The following NR2C2 variants were observed in gnomAD, a reference collection of about 807,000 sequenced individuals.
The protein encoded by NR2C2 is Nuclear hormone receptor TR4.
A neutral mutation model predicts 62.9 loss-of-function variants in NR2C2; 6 were observed. The observed-to-expected ratio is 0.10, with a 90% CI of 0.05 to 0.19. NR2C2 has a LOEUF of 0.19. NR2C2 is among the 10% of genes least tolerant of loss of function. The probability of loss-of-function intolerance (pLI) is 1.00; values close to 1 mark genes in which losing one functional copy is unlikely to be tolerated. For synonymous variants in NR2C2, 272 were observed against 273.8 expected (o/e 0.99, Z 0.07); for missense variants, 479 against 762.7 (o/e 0.63, Z 4.38).
chr3:15,002,598 TTTC>T (rs962057632), intron 1 of NR2C2, among the ~76,000 whole-genome samples: 19 of 151,916 alleles, frequency 1.3e-4, no homozygotes, highest in African/African-American at 4.6e-4. Flanking sequence ...TGGGAAGTGT[TTTC>T]TTCTAATTTT....
intron 7 of NR2C2, among the ~76,000 whole-genome samples, chr3:15,028,243 C>T (rs1268243531): frequency 3.3e-5 from 5 of 152,208 alleles, no homozygotes; most frequent in African/African-American, 1.2e-4. Flanking sequence ...AAACCATTAT[C>T]AGACATGATT....
intron 1 of NR2C2, among the ~76,000 whole-genome samples, chr3:14,954,009 G>T (rs1175095507): frequency 6.6e-6 from 1 of 152,034 alleles, no homozygotes; most frequent in Non-Finnish European, 1.5e-5. Flanking sequence ...ATCTGATTAG[G>T]TATTATTTCT....
chr3:14,981,188 A>G (rs879894940), intron 1 of NR2C2, among the ~76,000 whole-genome samples: 7 of 152,200 alleles, frequency 4.6e-5, no homozygotes, highest in Non-Finnish European at 8.8e-5. Context: ...ATAAAGCCAC[A>G]GGGTGCAATG....
intron 1 of NR2C2, among the ~76,000 whole-genome samples, chr3:14,967,329 ATTG>A (rs917851382): frequency 6.6e-6 from 1 of 151,488 alleles, no homozygotes; most frequent in Non-Finnish European, 1.5e-5. Flanking sequence ...GATTTTCTCT[ATTG>A]TTTTTCTATT....
At chr3:15,008,625 G>C (rs1334215460) in intron 2 of NR2C2, among the ~76,000 whole-genome samples, 1 of 152,202 alleles carries the variant, frequency 6.6e-6, no homozygotes, top group Non-Finnish European at 1.5e-5. Flanking sequence ...TTGCAACAGA[G>C]ATGTTGAACT....
intron 1 of NR2C2, among the ~76,000 whole-genome samples, chr3:14,958,296 T>G (rs1405392667): frequency 6.6e-6 from 1 of 152,226 alleles, no homozygotes; most frequent in Non-Finnish European, 1.5e-5. Flanking sequence ...TGGAGGTGGT[T>G]GGACTTGATT....
At chr3:14,957,248 C>G (rs184324035) in intron 1 of NR2C2, among the ~76,000 whole-genome samples, 2 of 151,898 alleles carry the variant, frequency 1.3e-5, no homozygotes, top group East Asian at 3.9e-4. Context: ...GAAAGGCAGC[C>G]TCACTCATTC....
At position 15,008,865 on chromosome 3, in the gene NR2C2, T is replaced by C. The variant is rs78290720; in HGVS notation, c.73-4724T>C. Among the ~76,000 whole-genome samples, 696 of 152,280 alleles carry C rather than the reference T, an allele frequency of 4.6e-3. 3 individuals carry two copies. Among genetic ancestry groups the C allele is most frequent in the Middle Eastern group, 0.01 (3 of 294 alleles). ...CTCAAAAACTTTGTCAGTAACGTAT[T>C]AAAAAACAGATAGTGAATCTAATAA... On this transcript the variant is annotated intron_variant, in intron 2 of 13. Transcript: ENST00000425241.
chr3:14,994,335 C>A (rs1170671740), intron 1 of NR2C2, among the ~76,000 whole-genome samples: 1 of 152,010 alleles, frequency 6.6e-6, no homozygotes, highest in Middle Eastern at 3.4e-3. Flanking sequence ...AGAAGCTCTC[C>A]TTATGCCCCC....
At chr3:14,972,565 G>GT (rs1244563657) in intron 1 of NR2C2, among the ~76,000 whole-genome samples, 8 of 152,122 alleles carry the variant, frequency 5.3e-5, no homozygotes, top group Non-Finnish European at 1.2e-4. Context: ...GTAGTTTGAG[G>GT]TTTTTTGTCA....
At chr3:14,963,061 C>G (rs1255325590) in intron 1 of NR2C2, among the ~76,000 whole-genome samples, 2 of 152,146 alleles carry the variant, frequency 1.3e-5, no homozygotes, top group East Asian at 3.9e-4. Context: ...AAGCATTTGT[C>G]AGACCCAAGT....
chr3:15,032,135 T>A (rs184821528), intron 9 of NR2C2, among the ~76,000 whole-genome samples: 2 of 152,180 alleles, frequency 1.3e-5, no homozygotes, highest in Non-Finnish European at 1.5e-5. Flanking sequence ...TATGTTTTTG[T>A]GGGGGTGGGC....
intron 1 of NR2C2, among the ~76,000 whole-genome samples, chr3:14,986,977 A>C (rs981897147): frequency 2.6e-5 from 4 of 152,252 alleles, no homozygotes; most frequent in African/African-American, 9.6e-5. Context: ...AGCAATTAAT[A>C]GGCAAGGAGA....
At chr3:15,038,923 C>T (rs954327685) in intron 12 of NR2C2, 199 bp from the exon 13 acceptor site, 3 of 573,072 alleles carry the variant, frequency 5.2e-6, no homozygotes, top group Non-Finnish European at 9.4e-6. Context: ...GTCCCCGACC[C>T]GCTCCCAGGA....
chr3:15,007,853 A>G (rs1459157890), intron 2 of NR2C2, among the ~76,000 whole-genome samples: 1 of 152,240 alleles, frequency 6.6e-6, no homozygotes, highest in African/African-American at 2.4e-5. Context: ...ACATCGTATC[A>G]TTTCACTTTC....
At chr3:14,979,537 T>C (rs909937882) in intron 1 of NR2C2, among the ~76,000 whole-genome samples, 1 of 152,176 alleles carries the variant, frequency 6.6e-6, no homozygotes, top group African/African-American at 2.4e-5. Flanking sequence ...GTGACAGGAA[T>C]TACTGTCTAA....
At chr3:14,966,341 CTT>C (rs1353863003) in intron 1 of NR2C2, among the ~76,000 whole-genome samples, 1 of 151,832 alleles carries the variant, frequency 6.6e-6, no homozygotes, top group African/African-American at 2.4e-5. Flanking sequence ...AAGATAGGAT[CTT>C]GGTAGAAAGA....
intron 1 of NR2C2, among the ~76,000 whole-genome samples, chr3:14,994,442 T>C (rs1258518928): frequency 7.3e-6 from 1 of 136,600 alleles, no homozygotes; most frequent in Non-Finnish European, 1.6e-5. Flanking sequence ...ATTCATTCTT[T>C]TTTTTTTTTT....
chr3:15,037,134 C>T (rs1303082697), intron 11 of NR2C2, among the ~76,000 whole-genome samples: 1 of 150,980 alleles, frequency 6.6e-6, no homozygotes, highest in East Asian at 1.9e-4. Flanking sequence ...AAACCCCTTA[C>T]AACATTTTAT....
Sources: allele counts gnomAD v4.1 joint callset (sites outside exome capture counted in the v4.1 genomes callset), GRCh38; gene constraint gnomAD v4.1.1; transcripts MANE v1.5; gene names NCBI Gene and HGNC (gene_info 2026-07-23, HGNC 2026-07-21).